The following ERC2 variants were observed in gnomAD, a reference collection of about 807,000 sequenced individuals.
ERC2 encodes ELKS/RAB6-interacting/CAST family member 2.
Under a neutral mutation model 114.8 loss-of-function variants are expected in ERC2, and 42 were observed. That is an observed-to-expected ratio of 0.37 (90% CI 0.29 to 0.47). The LOEUF is 0.47. Among genes scored for constraint, ERC2 ranks in the 20% least tolerant of loss-of-function variants. ERC2 has a pLI of 0.99. For missense variants in ERC2, 939 were observed against 1,150.7 expected (o/e 0.82, Z 2.66); for synonymous variants, 454 against 425.5 (o/e 1.07, Z -0.82).
chr3:55,663,767 TTAAC>T (rs1483587515), intron 17 of ERC2, among the ~76,000 whole-genome samples: 1 of 152,234 alleles, frequency 6.6e-6, no homozygotes, highest in Non-Finnish European at 1.5e-5. Context: ...TTTACCAATA[TTAAC>T]TAAGTGGCTA....
chr3:56,096,161 G>A (rs1361090106), intron 6 of ERC2, among the ~76,000 whole-genome samples: 3 of 152,150 alleles, frequency 2.0e-5, no homozygotes, highest in Admixed American at 2.0e-4. Flanking sequence ...CTGTTTAATA[G>A]TGAAAAGTGA....
At chr3:55,986,823 C>G (rs1413158391) in intron 11 of ERC2, among the ~76,000 whole-genome samples, 1 of 151,544 alleles carries the variant, frequency 6.6e-6, no homozygotes, top group Non-Finnish European at 1.5e-5. Flanking sequence ...AGCAAACAAA[C>G]AAAAAACCAT....
chr3:56,397,348 T>TAA (rs57041870), intron 2 of ERC2, among the ~76,000 whole-genome samples: 6 of 137,394 alleles, frequency 4.4e-5, no homozygotes, highest in African/African-American at 1.1e-4. Flanking sequence ...ATATCTGTCT[T>TAA]AAAAAAAAAA....
chr3:55,794,391 G>C (rs900372315), intron 14 of ERC2, among the ~76,000 whole-genome samples: 4 of 152,180 alleles, frequency 2.6e-5, no homozygotes, highest in African/African-American at 7.2e-5. Flanking sequence ...TTTGTGGCTA[G>C]AGGAATTATT....
rs144713089 is a variant in ERC2, at chr3:55,724,968, G to A, written c.2712+9803C>T. On this transcript the variant is annotated intron_variant, in intron 15 of 17. Coordinates refer to ENST00000288221, the MANE Select transcript of ERC2 (RefSeq NM_015576.3). ...TCCAATAAGAGGCTTGGTAAAACAT[G>A]CGTTATCACTTAAAGAATAAATGTT... Among the ~76,000 whole-genome samples the A allele has an allele frequency of 3.9e-5, 6 of 152,326 alleles. No individual in the cohort carries two copies. In the East Asian group the frequency reaches 7.7e-4, roughly 20 times the overall value.
chr3:56,099,570 GAGTCTCCATCA>G, intron 6 of ERC2, among the ~76,000 whole-genome samples: 1 of 152,140 alleles, frequency 6.6e-6, no homozygotes, highest in Non-Finnish European at 1.5e-5. Flanking sequence ...TGTGGTCCAA[GAGTCTCCATCA>G]ATAGAGCCGG....
At chr3:55,681,874 A>G (rs2062071312) in intron 17 of ERC2, among the ~76,000 whole-genome samples, 1 of 152,180 alleles carries the variant, frequency 6.6e-6, no homozygotes, top group Non-Finnish European at 1.5e-5. Context: ...TTCATATCTC[A>G]GGGTGTCATG....
At chr3:56,418,142 A>G (rs2061241617) in intron 2 of ERC2, among the ~76,000 whole-genome samples, 1 of 152,016 alleles carries the variant, frequency 6.6e-6, no homozygotes. Flanking sequence ...ATTGTTTAAT[A>G]AAAATATTAG....
At chr3:56,205,659 C>A (rs2048681846) in intron 3 of ERC2, among the ~76,000 whole-genome samples, 1 of 152,148 alleles carries the variant, frequency 6.6e-6, no homozygotes, top group Admixed American at 6.5e-5. Flanking sequence ...CACCAGGTCA[C>A]AAAACCAGAT....
At chr3:55,766,444 C>T (rs751939616) in intron 14 of ERC2, among the ~76,000 whole-genome samples, 9 of 152,130 alleles carry the variant, frequency 5.9e-5, no homozygotes, top group African/African-American at 1.7e-4. Flanking sequence ...CTGCAACCTC[C>T]GCCTCCCAGA....
intron 3 of ERC2, among the ~76,000 whole-genome samples, chr3:56,292,854 C>G (rs149249916): frequency 1.5e-3 from 225 of 152,282 alleles, no homozygotes; most frequent in African/African-American, 4.7e-3. Flanking sequence ...TCAGTTCATA[C>G]TGTCACCCCC....
intron 12 of ERC2, among the ~76,000 whole-genome samples, chr3:55,964,031 G>C (rs1215452147): frequency 6.6e-6 from 1 of 152,228 alleles, no homozygotes; most frequent in East Asian, 1.9e-4. Context: ...TTCCAAATTA[G>C]AGTATGGAAG....
At chr3:56,019,510 T>C (rs921678584) in intron 7 of ERC2, among the ~76,000 whole-genome samples, 1 of 152,196 alleles carries the variant, frequency 6.6e-6, no homozygotes. Flanking sequence ...GTATTAAAGT[T>C]TGTGATATGC....
At chr3:55,659,759 G>T (rs1388364306) in intron 17 of ERC2, among the ~76,000 whole-genome samples, 1 of 152,114 alleles carries the variant, frequency 6.6e-6, no homozygotes, top group Non-Finnish European at 1.5e-5. Flanking sequence ...TATGGACATA[G>T]GTAGGCTCCC....
At chr3:55,545,814 G>T (rs1477635415) in intron 17 of ERC2, among the ~76,000 whole-genome samples, 1 of 152,196 alleles carries the variant, frequency 6.6e-6, no homozygotes, top group Non-Finnish European at 1.5e-5. Flanking sequence ...GTGAGTTCTT[G>T]GGTGTGGTTC....
chr3:56,192,147 C>T (rs1201676493), intron 3 of ERC2, among the ~76,000 whole-genome samples: 1 of 152,130 alleles, frequency 6.6e-6, no homozygotes, highest in Admixed American at 6.5e-5. Flanking sequence ...TACATCTCTC[C>T]AACATTCTTC....
intron 12 of ERC2, among the ~76,000 whole-genome samples, chr3:55,960,019 CAG>C (rs1248486721): frequency 1.3e-5 from 2 of 152,218 alleles, no homozygotes; most frequent in African/African-American, 4.8e-5. Context: ...GGAGTGCAAA[CAG>C]GGAAACATTG....
intron 17 of ERC2, among the ~76,000 whole-genome samples, chr3:55,581,967 C>T (rs867429745): frequency 6.6e-6 from 1 of 152,162 alleles, no homozygotes; most frequent in Admixed American, 6.5e-5. Context: ...TGTCCCCTCC[C>T]CACATTCCAA....
intron 13 of ERC2, among the ~76,000 whole-genome samples, chr3:55,944,328 T>G (rs2066997086): frequency 6.6e-6 from 1 of 152,234 alleles, no homozygotes; most frequent in Non-Finnish European, 1.5e-5. Context: ...CCCCACTCTG[T>G]CTTCAGGGGG....
Sources: gnomAD v4.1 joint callset for allele counts (sites outside exome capture counted in the v4.1 genomes callset) on GRCh38, gnomAD v4.1.1 for gene constraint, MANE v1.5 for transcripts, NCBI Gene and HGNC (gene_info 2026-07-23, HGNC 2026-07-21) for gene names.